Variants in SH3KBP1 observed in about 807,000 individuals in gnomAD.
The protein encoded by SH3KBP1 is SH3 domain containing kinase binding protein 1, also known as SH3 domain-containing kinase-binding protein 1.
A neutral mutation model predicts 50.1 loss-of-function variants in SH3KBP1; 8 were observed. The observed-to-expected ratio is 0.16, with a 90% CI of 0.09 to 0.29. SH3KBP1 has a LOEUF of 0.29. Among genes scored for constraint, SH3KBP1 ranks in the 10% least tolerant of loss-of-function variants. SH3KBP1 has a pLI of 1.00. For missense variants in SH3KBP1, 377 were observed against 535.2 expected, an observed-to-expected ratio of 0.70 and a Z score of 2.92; for synonymous variants, 227 against 218.6, an observed-to-expected ratio of 1.04 and a Z score of -0.34.
intron 6 of SH3KBP1, among the ~76,000 whole-genome samples, chrX:19,646,422 C>T (rs1202061642): frequency 1.8e-5 from 2 of 111,826 alleles, no homozygotes; most frequent in Non-Finnish European, 3.8e-5. Flanking sequence ...TTTGCTACCA[C>T]ACGTGTGTGA....
intron 2 of SH3KBP1, among the ~76,000 whole-genome samples, chrX:19,816,661 A>T (rs2067366147): frequency 9.0e-6 from 1 of 110,856 alleles, no homozygotes; most frequent in African/African-American, 3.3e-5. Context: ...ACAAAAAATT[A>T]GCCAGGCGTG....
chrX:19,851,495 AC>A (rs2068507649), intron 1 of SH3KBP1, among the ~76,000 whole-genome samples: 2 of 112,455 alleles, frequency 1.8e-5, no homozygotes, highest in African/African-American at 6.5e-5. Flanking sequence ...TAGACCCAGG[AC>A]CGGCCTGATA....
At chrX:19,768,907 T>C (rs887827748) in intron 2 of SH3KBP1, among the ~76,000 whole-genome samples, 4 of 107,286 alleles carry the variant, frequency 3.7e-5, no homozygotes, top group Non-Finnish European at 7.7e-5. Flanking sequence ...CCAAATTCAG[T>C]GTACACACAC....
chrX:19,729,458 C>T (rs749834586), intron 3 of SH3KBP1, among the ~76,000 whole-genome samples: 1 of 112,370 alleles, frequency 8.9e-6, no homozygotes, highest in Non-Finnish European at 1.9e-5. Flanking sequence ...TAGGTTTGGT[C>T]ATTTTTAAAT....
chrX:19,850,518 AGT>A (rs1259986004), intron 1 of SH3KBP1, among the ~76,000 whole-genome samples: 1 of 111,569 alleles, frequency 9.0e-6, no homozygotes, highest in East Asian at 2.8e-4. Flanking sequence ...CACAATCAAA[AGT>A]GTGTTCTACA....
chrX:19,543,247 G>C (rs192905370), intron 15 of SH3KBP1, among the ~76,000 whole-genome samples: 26 of 111,732 alleles, frequency 2.3e-4, no homozygotes, highest in African/African-American at 7.2e-4. Flanking sequence ...GGACAGATCA[G>C]GGACCACGGG....
intron 2 of SH3KBP1, among the ~76,000 whole-genome samples, chrX:19,810,419 T>C (rs1422169644): frequency 8.9e-6 from 1 of 112,475 alleles, no homozygotes; most frequent in Non-Finnish European, 1.9e-5. Flanking sequence ...AATCTACCAA[T>C]GATGAATCTG....
chrX:19,675,283 CTT>C (rs2062899569), intron 6 of SH3KBP1, among the ~76,000 whole-genome samples: 1 of 110,843 alleles, frequency 9.0e-6, no homozygotes, highest in Non-Finnish European at 1.9e-5. Context: ...GGTAGATTCT[CTT>C]GTTACTCTAA....
At chrX:19,753,645 G>A (rs1374890444) in intron 2 of SH3KBP1, among the ~76,000 whole-genome samples, 1 of 111,524 alleles carries the variant, frequency 9.0e-6, no homozygotes, top group Non-Finnish European at 1.9e-5. Context: ...AGTATTCTGA[G>A]AATATGGCAG....
rs183033062 is a variant in SH3KBP1 at position 19,799,922 on chromosome X, G to A, written c.162+36203C>T. 64 of 392,563 alleles carry A rather than the reference G, an allele frequency of 1.6e-4. 1 individual carries two copies. The African/African-American group carries it at 1.7e-3, about 11-fold the overall frequency. The allele number at this position is 392,563 out of a possible 1,213,427, so 32.4% of individuals were successfully genotyped here. A position where few individuals can be genotyped will look rare whatever the true frequency, so the allele number is the denominator to read the frequency against. On this transcript the variant is annotated intron_variant, in intron 2 of 17. Coordinates refer to ENST00000397821, the MANE Select transcript of SH3KBP1 (RefSeq NM_031892.3). ...CAAGTGAAAAGTAATCCAATCTCTG[G>A]CACTTGAGAGTGTGGAACCTGTATG...
chrX:19,646,117 T>C (rs1383053175), intron 6 of SH3KBP1, among the ~76,000 whole-genome samples: 1 of 111,962 alleles, frequency 8.9e-6, no homozygotes, highest in African/African-American at 3.3e-5. Context: ...GCAGCTCTTT[T>C]CCTTATAGTC....
chrX:19,809,292 G>A (rs943995946), intron 2 of SH3KBP1, among the ~76,000 whole-genome samples: 1 of 111,830 alleles, frequency 8.9e-6, no homozygotes, highest in Non-Finnish European at 1.9e-5. Flanking sequence ...TTGGGAGGCC[G>A]AGGCAGGCAG....
rs189024325 is a variant in SH3KBP1, at chrX:19,693,070, T to A, written c.520+2542A>T. Among the ~76,000 whole-genome samples the A allele has an allele frequency of 3.4e-4, 38 of 111,884 alleles. No homozygotes were observed. The East Asian group carries it at 4.8e-3, about 14-fold the overall frequency. On this transcript the variant is annotated intron_variant, in intron 5 of 17. Coordinates refer to ENST00000397821, the MANE Select transcript of SH3KBP1 (RefSeq NM_031892.3). ...TTACTTCAATTTAGCAAGCTATTCATTATTCTCACATCTGCTCTTCTATGA... is the reference window on the plus strand; with the variant it reads ...TTACTTCAATTTAGCAAGCTATTCAATATTCTCACATCTGCTCTTCTATGA...
chrX:19,815,755 T>C (rs2067335183), intron 2 of SH3KBP1, among the ~76,000 whole-genome samples: 1 of 111,897 alleles, frequency 8.9e-6, no homozygotes, highest in Non-Finnish European at 1.9e-5. Context: ...AATCATACAG[T>C]GTGTAACATC....
At chrX:19,830,318 T>C (rs950446908) in intron 2 of SH3KBP1, among the ~76,000 whole-genome samples, 2 of 107,193 alleles carry the variant, frequency 1.9e-5, no homozygotes, top group African/African-American at 7.0e-5. Context: ...GTGGTGGTTA[T>C]AGAGGTACGC....
At chrX:19,589,691 G>C (rs1258333353) in intron 11 of SH3KBP1, among the ~76,000 whole-genome samples, 1 of 110,576 alleles carries the variant, frequency 9.0e-6, no homozygotes, top group Non-Finnish European at 1.9e-5. Flanking sequence ...GATGGAACTT[G>C]AGAGAGTTGC....
chrX:19,740,210 G>A (rs1175138549), intron 3 of SH3KBP1, among the ~76,000 whole-genome samples: 1 of 111,326 alleles, frequency 9.0e-6, no homozygotes, highest in Admixed American at 9.5e-5. Flanking sequence ...TGCTAACAAC[G>A]CAGTGTCCCA....
chrX:19,706,897 A>G lies in SH3KBP1; in HGVS notation c.374T>C (p.Ile125Thr). 8.3e-7 allele frequency: 1 copy of G among 1,210,188 alleles called. No individual in the cohort carries two copies. The change falls in exon 4 of 18, where the codon ATA becomes ACA. Residue 125 changes from isoleucine (I) to threonine (T), a missense_variant. By Grantham distance (89) the Ile-to-Thr change is moderately conservative. Transcript: ENST00000397821. Reference protein sequence around the residue: ...DELELKVGDIIEVVGEVEEGW... With the variant: ...DELELKVGDITEVVGEVEEGW... ...GTCGCTTACCTCTCCTACCACCTCT[A>G]TGATGTCGCCAACTTTCAGCTCAAG...
At chrX:19,875,435 C>T (rs1234442043) in intron 1 of SH3KBP1, among the ~76,000 whole-genome samples, 2 of 112,543 alleles carry the variant, frequency 1.8e-5, no homozygotes, top group Non-Finnish European at 3.8e-5. Flanking sequence ...CACGGCCTCA[C>T]ATCAGTCACT....
Sources: gnomAD v4.1 joint callset for allele counts (sites outside exome capture counted in the v4.1 genomes callset) on GRCh38, gnomAD v4.1.1 for gene constraint, MANE v1.5 for transcripts, NCBI Gene and HGNC (gene_info 2026-07-23, HGNC 2026-07-21) for gene names.